Variants in ANKFN1 observed in about 807,000 individuals in gnomAD.
ANKFN1 encodes the protein ankyrin repeat and fibronectin type-III domain-containing protein 1.
In ANKFN1, 74 loss-of-function variants were observed where a neutral mutation model predicts 108.7. The observed-to-expected ratio is 0.68, with a 90% CI of 0.56 to 0.83. ANKFN1 has a LOEUF of 0.83. ANKFN1 is among the 40% of genes least tolerant of loss of function. The pLI is 0.00. For missense variants in ANKFN1, 1,505 were observed against 1,382.3 expected (o/e 1.09, Z -1.41); for synonymous variants, 547 against 516.2 (o/e 1.06, Z -0.81).
At chr17:56,419,504 T>G (rs1041970124) in intron 8 of ANKFN1, among the ~76,000 whole-genome samples, 3 of 144,332 alleles carry the variant, frequency 2.1e-5, no homozygotes, top group Non-Finnish European at 4.6e-5. Context: ...AAAAGAGATA[T>G]AAATTTGGGT....
chr17:56,414,847 C>A (rs903154060), intron 8 of ANKFN1, among the ~76,000 whole-genome samples: 1 of 151,952 alleles, frequency 6.6e-6, no homozygotes, highest in Non-Finnish European at 1.5e-5. Context: ...GGTGATACAC[C>A]ATCTTTACAA....
chr17:56,355,397 G>A (rs535414292), intron 6 of ANKFN1, among the ~76,000 whole-genome samples: 1 of 152,196 alleles, frequency 6.6e-6, no homozygotes, highest in Admixed American at 6.5e-5. Context: ...AGATGCTGAG[G>A]CAGGCATGAA....
chr17:56,454,175 A>G (rs970378508), intron 11 of ANKFN1, among the ~76,000 whole-genome samples: 1 of 151,200 alleles, frequency 6.6e-6, no homozygotes, highest in African/African-American at 2.4e-5. Context: ...TTTTTCTTCT[A>G]CTTTCCATCC....
At chr17:56,467,187 A>G (rs1276130764) in intron 15 of ANKFN1, among the ~76,000 whole-genome samples, 1 of 152,208 alleles carries the variant, frequency 6.6e-6, no homozygotes. Context: ...TAGTATAATC[A>G]AAACATTAAA....
chr17:56,459,608 A>G (rs146867261), intron 14 of ANKFN1, among the ~76,000 whole-genome samples: 197 of 152,258 alleles, frequency 1.3e-3, no homozygotes, highest in African/African-American at 4.7e-3. Flanking sequence ...TCCTTAGTGG[A>G]TCCTCCCATC....
At chr17:56,225,277 T>C (rs997807699) in intron 2 of ANKFN1, among the ~76,000 whole-genome samples, 1 of 152,144 alleles carries the variant, frequency 6.6e-6, no homozygotes, top group Admixed American at 6.5e-5. Context: ...CTAGGGTTAT[T>C]ATGAGGAATT....
At chr17:56,122,683 T>C (rs756658210) in intron 4 of ANKFN1, among the ~76,000 whole-genome samples, 1 of 152,148 alleles carries the variant, frequency 6.6e-6, no homozygotes, top group Non-Finnish European at 1.5e-5. Context: ...AATGAGGCCC[T>C]CTGGCCATCA....
At chr17:56,074,194 G>A (rs1905153984) in intron 4 of ANKFN1, among the ~76,000 whole-genome samples, 1 of 152,158 alleles carries the variant, frequency 6.6e-6, no homozygotes, top group African/African-American at 2.4e-5. Flanking sequence ...AGGGATTTTA[G>A]TGGCATGTGA....
chr17:56,466,236 A>T, intron 14 of ANKFN1, 120 bp from the exon 15 acceptor site: 3 of 939,362 alleles, frequency 3.2e-6, no homozygotes, highest in Non-Finnish European at 4.8e-6. Flanking sequence ...GTGCAAAAAA[A>T]AAAAAGAGAG....
chr17:56,268,246 G>A (rs931578224), intron 3 of ANKFN1, among the ~76,000 whole-genome samples: 1 of 152,034 alleles, frequency 6.6e-6, no homozygotes, highest in African/African-American at 2.4e-5. Flanking sequence ...TTGGACCGCA[G>A]CACAATAAAA....
chr17:56,466,444 A>AT lies in ANKFN1; in HGVS notation c.1646_1647insT (p.Glu549AspfsTer10). ...AACATACTCATAGTCACCATCAGGG[A>AT]GGTGGAGATGCTTTATTCATTTTTT... On this transcript the variant is annotated frameshift_variant, in exon 15 of 21. Coordinates refer to ENST00000682825, the MANE Select transcript of ANKFN1 (RefSeq NM_001370326.1). LOFTEE classifies it high-confidence loss of function. 1 of 1,614,170 alleles carries AT rather than the reference A, an allele frequency of 6.2e-7. No individual in the cohort carries two copies. Among genetic ancestry groups the AT allele is most frequent in the Non-Finnish European group, 8.5e-7 (1 of 1,180,010 alleles).
At chr17:56,130,577 T>C (rs987458356) in intron 4 of ANKFN1, among the ~76,000 whole-genome samples, 15 of 152,072 alleles carry the variant, frequency 9.9e-5, no homozygotes, top group Non-Finnish European at 1.6e-4. Context: ...TGAATGCTAA[T>C]TTATTTGCAT....
chr17:56,332,283 G>A lies in ANKFN1; in HGVS notation c.188+5928G>A, dbSNP rs369179076. On this transcript the variant is annotated intron_variant, in intron 4 of 20. Coordinates refer to ENST00000682825, the MANE Select transcript of ANKFN1 (RefSeq NM_001370326.1). The stretch of plus-strand genomic sequence containing the variant: ...TGCTTATGTAAGCAGCAAAGCCCAG[G>A]GAACAGGTGCTTGTGAAGCCAACAT... 1.1e-4 allele frequency among the ~76,000 whole-genome samples: 16 copies of A among 152,184 alleles called. No homozygotes were observed. The East Asian group carries it at 1.7e-3, about 17-fold the overall frequency.
intron 8 of ANKFN1, among the ~76,000 whole-genome samples, chr17:56,404,498 T>G (rs1231128200): frequency 6.6e-6 from 1 of 152,138 alleles, no homozygotes. Context: ...TGTCCAAAGT[T>G]TCCTGACTTT....
chr17:56,410,232 C>G (rs9913580), intron 8 of ANKFN1, among the ~76,000 whole-genome samples: 5 of 152,008 alleles, frequency 3.3e-5, no homozygotes, highest in Non-Finnish European at 7.4e-5. Context: ...TGTGCCACCA[C>G]GCCCAGCTAA....
intron 20 of ANKFN1, among the ~76,000 whole-genome samples, chr17:56,505,327 T>A (rs909950071): frequency 4.6e-5 from 7 of 152,210 alleles, no homozygotes; most frequent in Admixed American, 4.6e-4. Context: ...TGTTTCAGTT[T>A]CAATTCCACT....
At chr17:56,177,246 A>G (rs1482199482) in intron 1 of ANKFN1, among the ~76,000 whole-genome samples, 1 of 152,214 alleles carries the variant, frequency 6.6e-6, no homozygotes, top group African/African-American at 2.4e-5. Context: ...CCAGAGCTAC[A>G]TGATCTTGCC....
At chr17:56,419,306 AC>A (rs1371348126) in intron 8 of ANKFN1, among the ~76,000 whole-genome samples, 18 of 152,014 alleles carry the variant, frequency 1.2e-4, no homozygotes, top group African/African-American at 4.1e-4. Context: ...ACATGGCGAA[AC>A]CCCATCTCTA....
rs2045179652 is a variant in ANKFN1, at chr17:56,315,572, C to G, written c.54-10649C>G. ...TGAAGGAAGTGAATAAGCCATTGAC[C>G]TTTTAATTCCATTCAACGCCTTTGC... On this transcript the variant is annotated intron_variant, in intron 3 of 20. Coordinates refer to ENST00000682825, the MANE Select transcript of ANKFN1 (RefSeq NM_001370326.1). Among the ~76,000 whole-genome samples, 4 of 152,304 alleles carry G rather than the reference C, an allele frequency of 2.6e-5. No homozygotes were observed. The South Asian group carries it at 8.3e-4, about 32-fold the overall frequency.
Sources: allele counts gnomAD v4.1 joint callset (sites outside exome capture counted in the v4.1 genomes callset), GRCh38; gene constraint gnomAD v4.1.1; transcripts MANE v1.5; gene names NCBI Gene and HGNC (gene_info 2026-07-23, HGNC 2026-07-21).